The following JAKMIP1 variants were observed in gnomAD, a reference collection of about 807,000 sequenced individuals.
JAKMIP1 encodes janus kinase and microtubule interacting protein 1.
In JAKMIP1, 33 loss-of-function variants were observed where a neutral mutation model predicts 113.0. That is an observed-to-expected ratio of 0.29 (90% CI 0.22 to 0.39). JAKMIP1 has a LOEUF of 0.39. JAKMIP1 is among the 10% of genes least tolerant of loss of function. The pLI is 1.00. For missense variants in JAKMIP1, 813 were observed against 1,080.5 expected (o/e 0.75, Z 3.47); for synonymous variants, 480 against 459.9 (o/e 1.04, Z -0.56).
At chr4:6,126,364 CACACA>C (rs1717610729) in intron 1 of JAKMIP1, among the ~76,000 whole-genome samples, 1 of 130,518 alleles carries the variant, frequency 7.7e-6, no homozygotes, top group African/African-American at 3.4e-5. Context: ...TGCAGAAACA[CACACA>C]TGCACAAACA....
chr4:6,177,769 C>T (rs79781558), intron 1 of JAKMIP1, among the ~76,000 whole-genome samples: 4,322 of 152,310 alleles, frequency 0.028, 59 homozygotes, highest in Middle Eastern at 0.058. Flanking sequence ...CCCAATGCCA[C>T]TACCCACATC....
chr4:6,170,194 T>C (rs111066736), intron 1 of JAKMIP1, among the ~76,000 whole-genome samples: 10,304 of 116,890 alleles, frequency 0.088, 446 homozygotes, highest in African/African-American at 0.14. Flanking sequence ...TCACCATCAC[T>C]ACCACCATCA....
At chr4:6,060,608 T>C (rs1560124161) in intron 10 of JAKMIP1, 101 bp from the exon 11 acceptor site, 4 of 844,380 alleles carry the variant, frequency 4.7e-6, no homozygotes, top group East Asian at 4.8e-5. Flanking sequence ...AGGGTCCTTA[T>C]AGGCAAACCT....
rs567147271 is a variant in JAKMIP1, at chr4:6,186,038, G to A, written c.-148+14215C>T. ...GGGCACTCCATTCAGTAATGGAGATGAAAGTGGACACAGCCAGCCACTCAA... is the reference window on the plus strand; with the variant it reads ...GGGCACTCCATTCAGTAATGGAGATAAAAGTGGACACAGCCAGCCACTCAA... On this transcript the variant is annotated intron_variant, in intron 1 of 20. Transcript: ENST00000409021. The surrounding 1 kb of genome is among the most constrained non-coding windows in gnomAD (Gnocchi z 5.5). Among the ~76,000 whole-genome samples, 1 of 152,256 alleles carries A rather than the reference G, an allele frequency of 6.6e-6. No individual in the cohort carries two copies. The highest frequency in any genetic ancestry group is 1.9e-4 in the East Asian group (1 of 5,170).
chr4:6,189,708 G>A (rs1727029274), intron 1 of JAKMIP1, among the ~76,000 whole-genome samples: 1 of 152,184 alleles, frequency 6.6e-6, no homozygotes, highest in Non-Finnish European at 1.5e-5. Context: ...GCAGAGGGTG[G>A]CGTAGGGCAG....
intron 3 of JAKMIP1, among the ~76,000 whole-genome samples, chr4:6,095,931 G>C (rs1681699538): frequency 6.6e-6 from 1 of 152,208 alleles, no homozygotes; most frequent in African/African-American, 2.4e-5. Context: ...AAAAATATCA[G>C]ATGAGAAGTG....
At chr4:6,195,180 A>C (rs1199828423) in intron 1 of JAKMIP1, among the ~76,000 whole-genome samples, 2 of 152,220 alleles carry the variant, frequency 1.3e-5, no homozygotes, top group South Asian at 4.1e-4. Context: ...GTGCTCAAAC[A>C]TAAGTCTGAT....
At chr4:6,131,303 A>G (rs1241303840) in intron 1 of JAKMIP1, among the ~76,000 whole-genome samples, 1 of 151,182 alleles carries the variant, frequency 6.6e-6, no homozygotes, top group Non-Finnish European at 1.5e-5. Context: ...ATTTCACAAA[A>G]TTAATGTCAG....
rs1713828670 is a variant in JAKMIP1 at position 6,105,743 on chromosome 4, G to A, written c.354C>T (p.Asn118=). The change falls in exon 3 of 21, where the codon AAC becomes AAT. Residue 118 remains asparagine, a synonymous_variant. Transcript: ENST00000409021. ...TGTCGGCCGCGCCGTCGCGCAGCAC[G>A]TTCAGCGTGGCCTGCAGCCGCTGCA... ...GELQRLQATL[N]VLRDGAADKV... 1.9e-6 allele frequency: 3 copies of A among 1,602,350 alleles called. No homozygotes were observed. The highest frequency in any genetic ancestry group is 4.5e-5 in the East Asian group (2 of 44,744).
intron 1 of JAKMIP1, among the ~76,000 whole-genome samples, chr4:6,128,350 C>G (rs968116444): frequency 6.6e-6 from 1 of 152,170 alleles, no homozygotes. Flanking sequence ...GGAAGTGTCC[C>G]CACAGGTGTG....
chr4:6,077,168 A>G (rs1719796134), intron 8 of JAKMIP1, among the ~76,000 whole-genome samples: 1 of 152,194 alleles, frequency 6.6e-6, no homozygotes, highest in Non-Finnish European at 1.5e-5. Flanking sequence ...TTATTTGGAA[A>G]TAGGATCATT....
rs1343494497 is a variant in JAKMIP1 at position 6,185,620 on chromosome 4, C to T, written c.-148+14633G>A. On this transcript the variant is annotated intron_variant, in intron 1 of 20. Coordinates refer to ENST00000409021, the MANE Select transcript of JAKMIP1 (RefSeq NM_001099433.2). This position sits in a 1 kb window ranked among gnomAD's most constrained non-coding sequence, Gnocchi z 5.3. ...CTGAGATCACGCCACTGCACTCCAG[C>T]CTGAGCGACAGAGGAAGACTCCGTC... Among the ~76,000 whole-genome samples the T allele has an allele frequency of 6.6e-6, 1 of 152,154 alleles. No individual in the cohort carries two copies. The highest frequency in any genetic ancestry group is 1.5e-5 in the Non-Finnish European group (1 of 68,032).
rs1715445083 is a variant in JAKMIP1, at chr4:6,049,902, T to TA, written c.1909-31_1909-30insT. On this transcript the variant is annotated intron_variant, in intron 14 of 20. Coordinates refer to ENST00000409021, the MANE Select transcript of JAKMIP1 (RefSeq NM_001099433.2). This position sits in a 1 kb window ranked among gnomAD's most constrained non-coding sequence, Gnocchi z 7.0. ...AAGAGATTTCCAACGTTCATTTTTG[T>TA]GTGAGCTACAGAGACCAACCATACC... The TA allele has an allele frequency of 6.4e-7, 1 of 1,560,322 alleles. No homozygotes were observed. Among genetic ancestry groups the TA allele is most frequent in the South Asian group, 1.1e-5 (1 of 89,310 alleles).
chr4:6,050,565 C>G lies in JAKMIP1; in HGVS notation c.1908+13G>C. On this transcript the variant is annotated intron_variant, in intron 14 of 20. Transcript: ENST00000409021. This position sits in a 1 kb window ranked among gnomAD's most constrained non-coding sequence, Gnocchi z 7.4. ...GGCTGGCATTCAGCAGAGGCACCCC[C>G]CAGGCACGCTACCTTAACTCCTTCC... 6 of 1,553,032 alleles carry G rather than the reference C, an allele frequency of 3.9e-6. No individual in the cohort carries two copies. The highest frequency in any genetic ancestry group is 5.2e-6 in the Non-Finnish European group (6 of 1,146,282).
chr4:6,102,687 A>G (rs1713246240), intron 3 of JAKMIP1, among the ~76,000 whole-genome samples: 1 of 150,018 alleles, frequency 6.7e-6, no homozygotes. Context: ...GCACCTGCAA[A>G]TAATGAGTTT....
intron 19 of JAKMIP1, among the ~76,000 whole-genome samples, chr4:6,030,654 G>A (rs186782810): frequency 5.3e-5 from 8 of 152,340 alleles, no homozygotes; most frequent in South Asian, 4.1e-4. Context: ...TGCCCTGAAC[G>A]GGATAGAGAC....
At chr4:6,083,607 C>CA (rs201032315) in intron 5 of JAKMIP1, among the ~76,000 whole-genome samples, 4,445 of 115,758 alleles carry the variant, frequency 0.038, 74 homozygotes, top group African/African-American at 0.052. Context: ...TGATTAAAGC[C>CA]AAAAAAAAAA....
chr4:6,178,565 G>A lies in JAKMIP1; in HGVS notation c.-148+21688C>T, dbSNP rs141134747. 3.7e-4 allele frequency among the ~76,000 whole-genome samples: 57 copies of A among 152,236 alleles called. No homozygotes were observed. The highest frequency in any genetic ancestry group is 7.8e-4 in the Admixed American group (12 of 15,290). On this transcript the variant is annotated intron_variant, in intron 1 of 20. Coordinates refer to ENST00000409021, the MANE Select transcript of JAKMIP1 (RefSeq NM_001099433.2). This position sits in a 1 kb window ranked among gnomAD's most constrained non-coding sequence, Gnocchi z 5.5. ...TGATATTGGAAGCATTTCATGAACC[G>A]GGATATTTCGAAACTGCATCTCCTT...
chr4:6,053,061 A>C (rs1715875209), intron 13 of JAKMIP1, among the ~76,000 whole-genome samples: 1 of 152,268 alleles, frequency 6.6e-6, no homozygotes, highest in Non-Finnish European at 1.5e-5. Flanking sequence ...TCACGCATGC[A>C]AAGGTTTCAG....
Sources: gnomAD v4.1 joint callset for allele counts (sites outside exome capture counted in the v4.1 genomes callset) on GRCh38, gnomAD v4.1.1 for gene constraint, Gnocchi (gnomAD v3.1) non-coding constraint, MANE v1.5 for transcripts, NCBI Gene and HGNC (gene_info 2026-07-23, HGNC 2026-07-21) for gene names.